Variants in ADAM2 observed in about 807,000 individuals in gnomAD.
ADAM2 encodes ADAM metallopeptidase domain 2, also known as disintegrin and metalloproteinase domain-containing protein 2.
Under a neutral mutation model 99.3 loss-of-function variants are expected in ADAM2, and 101 were observed. The ratio of observed to expected loss-of-function variants is 1.02; its 90% CI spans 0.87 to 1.20. ADAM2 has a LOEUF of 1.20. Ranked by LOEUF, ADAM2 falls within the 50% of genes most tolerant of loss-of-function variation. The pLI, the probability that ADAM2 is intolerant of heterozygous loss-of-function variation, is 0.00. For missense variants in ADAM2, 948 were observed against 878.7 expected, an observed-to-expected ratio of 1.08 and a Z score of -1.00; for synonymous variants, 323 against 287.6, an observed-to-expected ratio of 1.12 and a Z score of -1.25.
intron 18 of ADAM2, 45 bp downstream of exon 18, chr8:39,749,267 T>C (rs1191574530): frequency 6.7e-7 from 1 of 1,503,644 alleles, no homozygotes. Flanking sequence ...TTTAATAAAT[T>C]CAAATTATGT....
chr8:39,822,775 T>TTTTTTGC (rs1267168352), intron 4 of ADAM2, among the ~76,000 whole-genome samples: 1 of 151,978 alleles, frequency 6.6e-6, no homozygotes, highest in Admixed American at 6.6e-5. Context: ...TTGTTTTTTG[T>TTTTTTGC]TTTTTGCTTT....
chr8:39,802,960 GCTAGTAGTTATT>G (rs1804279550), intron 7 of ADAM2, among the ~76,000 whole-genome samples: 1 of 152,086 alleles, frequency 6.6e-6, no homozygotes, highest in Non-Finnish European at 1.5e-5. Flanking sequence ...GTACAATTTT[GCTAGTAGTTATT>G]CTAGTAATCT....
At chr8:39,783,332 A>T (rs2350463) in intron 10 of ADAM2, among the ~76,000 whole-genome samples, 22,206 of 152,182 alleles carry the variant, frequency 0.15, 2,215 homozygotes, top group East Asian at 0.41. Flanking sequence ...ATGAAAAAAT[A>T]CATTGCTGAG....
At chr8:39,777,398 T>A (rs1901387) in intron 10 of ADAM2, among the ~76,000 whole-genome samples, 5,666 of 152,056 alleles carry the variant, frequency 0.037, 340 homozygotes, top group African/African-American at 0.13. Flanking sequence ...AGAAAAAAAA[T>A]TGCCCCAGGA....
At chr8:39,785,548 C>A (rs1256103663) in intron 10 of ADAM2, among the ~76,000 whole-genome samples, 2 of 152,214 alleles carry the variant, frequency 1.3e-5, no homozygotes, top group Non-Finnish European at 1.5e-5. Flanking sequence ...TCAATCCCAG[C>A]ACTTTGGGAG....
At chr8:39,769,168 A>G (rs1802680772) in intron 12 of ADAM2, among the ~76,000 whole-genome samples, 1 of 152,186 alleles carries the variant, frequency 6.6e-6, no homozygotes, top group Non-Finnish European at 1.5e-5. Flanking sequence ...ATAAAGGAAA[A>G]TTACCTGTAT....
chr8:39,800,184 T>C (rs942079531), intron 7 of ADAM2, among the ~76,000 whole-genome samples: 1 of 152,188 alleles, frequency 6.6e-6, no homozygotes, highest in Non-Finnish European at 1.5e-5. Context: ...TTCCATATTA[T>C]GTGCTTCCTT....
At position 39,753,288 on chromosome 8, in the gene ADAM2, C is replaced by T. The variant is rs191279382; in HGVS notation, c.1797+2440G>A. ...GCAAGAAGAGTGGCAGCATTTTGCC[C>T]CTGCCCTAGAAATCTGTGGAACTCT... is the stretch of plus-strand genomic sequence containing the variant. On this transcript the variant is annotated intron_variant, in intron 16 of 20. Coordinates refer to ENST00000265708, the MANE Select transcript of ADAM2 (RefSeq NM_001464.5). 1.2e-4 allele frequency among the ~76,000 whole-genome samples: 19 copies of T among 152,194 alleles called. No homozygotes were observed. In the East Asian group the frequency reaches 3.7e-3, roughly 29 times the overall value.
intron 6 of ADAM2, among the ~76,000 whole-genome samples, chr8:39,811,636 TA>T (rs1804698819): frequency 1.3e-5 from 2 of 152,150 alleles, no homozygotes; most frequent in Non-Finnish European, 2.9e-5. Context: ...TTCAAATCAA[TA>T]AACGTAATCC....
At chr8:39,801,909 C>T (rs1804228862) in intron 7 of ADAM2, among the ~76,000 whole-genome samples, 1 of 152,092 alleles carries the variant, frequency 6.6e-6, no homozygotes. Flanking sequence ...GAAATGGGTG[C>T]CGCCCTTCCC....
intron 7 of ADAM2, among the ~76,000 whole-genome samples, chr8:39,799,970 T>C (rs1369349286): frequency 6.6e-6 from 1 of 152,224 alleles, no homozygotes; most frequent in Non-Finnish European, 1.5e-5. Flanking sequence ...GAGTCCTGAC[T>C]CCTTATCCAA....
At chr8:39,809,080 A>G (rs79582812) in intron 7 of ADAM2, among the ~76,000 whole-genome samples, 28,015 of 152,062 alleles carry the variant, frequency 0.18, 2,931 homozygotes, top group East Asian at 0.28. Flanking sequence ...GGAAACTTTT[A>G]TTTCTTTTTA....
intron 18 of ADAM2, among the ~76,000 whole-genome samples, chr8:39,748,279 A>G (rs551578316): frequency 2.3e-4 from 35 of 152,288 alleles, no homozygotes; most frequent in African/African-American, 8.2e-4. Context: ...TTGATCAATC[A>G]TACCACTAAA....
intron 3 of ADAM2, among the ~76,000 whole-genome samples, chr8:39,825,284 C>T (rs1468982820): frequency 6.6e-6 from 1 of 152,166 alleles, no homozygotes; most frequent in African/African-American, 2.4e-5. Flanking sequence ...TGTTCAATCA[C>T]CAAAGCATAG....
At chr8:39,765,701 A>C (rs1383818043) in intron 14 of ADAM2, among the ~76,000 whole-genome samples, 4 of 151,820 alleles carry the variant, frequency 2.6e-5, no homozygotes, top group African/African-American at 9.7e-5. Context: ...CAAATTACCC[A>C]TTTTCCCAGG....
Position 39,746,506 on chromosome 8 carries a change from T to C in ADAM2, c.2140A>G (p.Lys714Glu), listed in dbSNP as rs201499441. The C allele has an allele frequency of 1.0e-4, 165 of 1,596,468 alleles. No homozygotes were observed. The highest frequency in any genetic ancestry group is 2.4e-4 in the South Asian group (21 of 86,796). ...GAATAGTCCTCAGTTCTCCATTTTT[T>C]CCTTTGGAAATTAACTTTCACCATT... The part of the protein sequence containing the change: ...AIMVKVNFQR[K>E]KWRTEDYSSD... The change falls in exon 19 of 21, where the codon AAA becomes GAA. Residue 714 changes from lysine (K) to glutamate (E), a missense_variant. Lys to Glu is a moderately conservative substitution (Grantham distance 56, BLOSUM62 1). Transcript: ENST00000265708.
Position 39,821,005 on chromosome 8 carries a change from T to A in ADAM2, c.510A>T (p.Val170=). 1 of 1,584,026 alleles carries A rather than the reference T, an allele frequency of 6.3e-7. No individual in the cohort carries two copies. The highest frequency in any genetic ancestry group is 1.1e-5 in the South Asian group (1 of 87,758). ...SRDLSFKLQS[V]EPQQDFAKYI... is the part of the protein sequence containing the mutation. ...GTTTGTTCAATTAATCACCTACCTC[T>A]ACGCTTTGTAATTTAAAGGACAGAT... Residue 170 remains valine, a synonymous_variant, in exon 6 of 21, where the codon GTA becomes GTT. Transcript: ENST00000265708.
intron 16 of ADAM2, 23 bp from the exon 17 acceptor site, chr8:39,749,767 A>G (rs767624078): frequency 6.3e-7 from 1 of 1,595,916 alleles, no homozygotes; most frequent in Admixed American, 1.7e-5. Flanking sequence ...AGCAAAAATA[A>G]GTTAATTGAC....
intron 16 of ADAM2, among the ~76,000 whole-genome samples, chr8:39,750,011 T>G (rs1249277349): frequency 6.6e-6 from 1 of 151,886 alleles, no homozygotes; most frequent in Non-Finnish European, 1.5e-5. Flanking sequence ...AAATATGAAA[T>G]GAGTAAAACA....
Sources: allele counts gnomAD v4.1 joint callset (sites outside exome capture counted in the v4.1 genomes callset), GRCh38; gene constraint gnomAD v4.1.1; transcripts MANE v1.5; gene names NCBI Gene and HGNC (gene_info 2026-07-23, HGNC 2026-07-21).